CDH13: variants seen among roughly 807,000 people sequenced by gnomAD.
CDH13 encodes the protein cadherin 13.
A neutral mutation model predicts 63.8 loss-of-function variants in CDH13; 24 were observed. The observed-to-expected ratio is 0.38, with a 90% CI of 0.27 to 0.53. The LOEUF (loss-of-function observed/expected upper bound fraction) is 0.53, where lower values mean the gene tolerates loss of function less well. Among genes scored for constraint, CDH13 ranks in the 20% least tolerant of loss-of-function variants. The pLI, the probability that CDH13 is intolerant of heterozygous loss-of-function variation, is 0.85. For synonymous variants in CDH13, 503 were observed against 355.3 expected (o/e 1.42, Z -4.67); for missense variants, 1,049 against 903.1 (o/e 1.16, Z -2.07).
At chr16:82,772,209 C>T (rs184207100) in intron 1 of CDH13, among the ~76,000 whole-genome samples, 2 of 152,168 alleles carry the variant, frequency 1.3e-5, no homozygotes, top group Admixed American at 1.3e-4. Flanking sequence ...TGGAAATTGG[C>T]CAACATTACA....
intron 8 of CDH13, among the ~76,000 whole-genome samples, chr16:83,664,428 TTGAA>T (rs1459641315): frequency 3.9e-5 from 6 of 152,046 alleles, no homozygotes; most frequent in African/African-American, 1.2e-4. Flanking sequence ...TCTTAAAACA[TTGAA>T]TGAGCTTTAT....
chr16:83,212,713 G>A (rs1284589044), intron 4 of CDH13, among the ~76,000 whole-genome samples: 1 of 152,180 alleles, frequency 6.6e-6, no homozygotes, highest in Non-Finnish European at 1.5e-5. Context: ...CCAAAGCAGT[G>A]GTCTTCAAAC....
At chr16:82,970,271 T>A (rs1199499688) in intron 2 of CDH13, among the ~76,000 whole-genome samples, 1 of 152,166 alleles carries the variant, frequency 6.6e-6, no homozygotes, top group Non-Finnish European at 1.5e-5. Context: ...TCCTTTTTTA[T>A]GGCTGCATAG....
chr16:83,677,517 GC>G (rs35916328), intron 9 of CDH13, among the ~76,000 whole-genome samples: 109,046 of 151,888 alleles, frequency 0.72, 39,887 homozygotes, highest in African/African-American at 0.85. Flanking sequence ...CCTCAGTTGG[GC>G]CAGGGCCCAG....
At chr16:83,553,787 C>T (rs568247791) in intron 7 of CDH13, among the ~76,000 whole-genome samples, 356 of 152,306 alleles carry the variant, frequency 2.3e-3, no homozygotes, top group African/African-American at 7.7e-3. Context: ...GAACTCCTGA[C>T]CTCAGGTGAT....
intron 6 of CDH13, among the ~76,000 whole-genome samples, chr16:83,374,260 T>C (rs1177519861): frequency 6.6e-6 from 1 of 152,194 alleles, no homozygotes; most frequent in Non-Finnish European, 1.5e-5. Context: ...ACCTCCATTT[T>C]ACTCCAGGTA....
intron 6 of CDH13, among the ~76,000 whole-genome samples, chr16:83,360,826 T>C (rs1379585819): frequency 1.3e-5 from 2 of 152,220 alleles, no homozygotes; most frequent in Non-Finnish European, 2.9e-5. Flanking sequence ...CTGTGGTGTA[T>C]GTGTACATTT....
chr16:83,368,973 C>A (rs1259569097), intron 6 of CDH13, among the ~76,000 whole-genome samples: 3 of 118,160 alleles, frequency 2.5e-5, no homozygotes, highest in Admixed American at 1.9e-4. Flanking sequence ...GATTGATGGG[C>A]ACTTGGCCTG....
intron 1 of CDH13, among the ~76,000 whole-genome samples, chr16:82,627,735 G>A (rs1191080491): frequency 6.6e-6 from 1 of 152,154 alleles, no homozygotes; most frequent in Non-Finnish European, 1.5e-5. Context: ...CAAAGGCGCC[G>A]GCGCCGGCCG....
intron 7 of CDH13, among the ~76,000 whole-genome samples, chr16:83,488,495 C>T (rs564619927): frequency 6.6e-6 from 1 of 152,198 alleles, no homozygotes; most frequent in Non-Finnish European, 1.5e-5. Flanking sequence ...CATTGAAACT[C>T]TGATTGTCCT....
chr16:82,706,313 G>T (rs1319387000), intron 1 of CDH13, among the ~76,000 whole-genome samples: 2 of 152,204 alleles, frequency 1.3e-5, no homozygotes, highest in African/African-American at 4.8e-5. Flanking sequence ...CAGTTAACAA[G>T]ATAAGAAAAA....
Position 83,797,232 on chromosome 16 carries a change from C to G in CDH13, c.*2202C>G, listed in dbSNP as rs970527269. 6.6e-6 allele frequency: 1 copy of G among 152,248 alleles called. No individual in the cohort carries two copies. Among genetic ancestry groups the G allele is most frequent in the African/African-American group, 2.4e-5 (1 of 41,456 alleles). 9.4% of individuals were successfully genotyped at this position (152,248 alleles called of 1,614,324 possible). ...TAACTGGCAATCAGGAAGTCACCCT[C>G]CAATGTAAACTTCAGCCACATGCAG... On this transcript the variant is annotated 3_prime_UTR_variant, in exon 14 of 14. Transcript: ENST00000567109.
At chr16:83,558,265 A>G (rs1180534670) in intron 7 of CDH13, among the ~76,000 whole-genome samples, 1 of 152,208 alleles carries the variant, frequency 6.6e-6, no homozygotes, top group Non-Finnish European at 1.5e-5. Flanking sequence ...TAGTGGTAAG[A>G]TTGGATCAGC....
intron 7 of CDH13, among the ~76,000 whole-genome samples, chr16:83,595,536 A>G (rs959983683): frequency 2.0e-5 from 3 of 152,234 alleles, no homozygotes; most frequent in African/African-American, 7.2e-5. Flanking sequence ...AACCTAAAAA[A>G]TGGCTTATGT....
intron 2 of CDH13, among the ~76,000 whole-genome samples, chr16:82,988,433 C>G (rs1037894838): frequency 6.6e-6 from 1 of 151,780 alleles, no homozygotes; most frequent in Non-Finnish European, 1.5e-5. Context: ...TGTTGAAGAA[C>G]GTGGAAGCTT....
intron 6 of CDH13, among the ~76,000 whole-genome samples, chr16:83,409,642 A>G (rs551418954): frequency 1.2e-4 from 19 of 152,354 alleles, no homozygotes; most frequent in African/African-American, 4.3e-4. Context: ...ACCAACATGC[A>G]TCTGCCTAGC....
intron 6 of CDH13, among the ~76,000 whole-genome samples, chr16:83,407,593 T>C (rs2092066687): frequency 6.6e-6 from 1 of 152,234 alleles, no homozygotes; most frequent in South Asian, 2.1e-4. Flanking sequence ...AATTGCAAAT[T>C]GAGTTTTCTT....
intron 7 of CDH13, among the ~76,000 whole-genome samples, chr16:83,502,816 C>G (rs1298751286): frequency 6.6e-6 from 1 of 152,188 alleles, no homozygotes; most frequent in Non-Finnish European, 1.5e-5. Flanking sequence ...TGAGATGACA[C>G]AGGAGTGTTC....
rs182742226 is a variant in CDH13 at position 83,746,088 on chromosome 16, T to C, written c.1539-2020T>C. ...GTAAGTGGGGATATTATACCTACTA[T>C]AATAAATTAGTAATGCCACGGTAAC... On this transcript the variant is annotated intron_variant, in intron 10 of 13. Coordinates refer to ENST00000567109, the MANE Select transcript of CDH13 (RefSeq NM_001257.5). Among the ~76,000 whole-genome samples, 8 of 152,322 alleles carry C rather than the reference T, an allele frequency of 5.3e-5. No homozygotes were observed. In the East Asian group the frequency reaches 9.6e-4, roughly 18 times the overall value.
Sources: gnomAD v4.1 joint callset for allele counts (sites outside exome capture counted in the v4.1 genomes callset) on GRCh38, gnomAD v4.1.1 for gene constraint, MANE v1.5 for transcripts, NCBI Gene and HGNC (gene_info 2026-07-23, HGNC 2026-07-21) for gene names.